The following SNX31 variants were observed in gnomAD, a reference collection of about 807,000 sequenced individuals.
The protein encoded by SNX31 is sorting nexin 31.
A neutral mutation model predicts 65.4 loss-of-function variants in SNX31; 58 were observed. The observed-to-expected ratio is 0.89, with a 90% CI of 0.72 to 1.10. SNX31 has a LOEUF of 1.10. SNX31 is among the 50% of genes least tolerant of loss of function. The pLI is 0.00. For missense variants in SNX31, 523 were observed against 529.7 expected (o/e 0.99, Z 0.12); for synonymous variants, 181 against 190.1 (o/e 0.95, Z 0.39).
rs1164081101 is a variant in SNX31 at position 100,622,737 on chromosome 8, T to C, written c.322-5007A>G. Among the ~76,000 whole-genome samples, 3 of 152,096 alleles carry C rather than the reference T, an allele frequency of 2.0e-5. No individual in the cohort carries two copies. Among genetic ancestry groups the C allele is most frequent in the Admixed American group, 6.5e-5 (1 of 15,270 alleles). ...AATGGGGGCATTTAAAAATGGAGTG[T>C]TGATACATGAACTTCCCTCTCTAGC... On this transcript the variant is annotated intron_variant, in intron 4 of 13. Transcript: ENST00000311812. This position sits in a 1 kb window ranked among gnomAD's most constrained non-coding sequence, Gnocchi z 5.0.
chr8:100,644,155 G>A (rs111751154), intron 2 of SNX31, among the ~76,000 whole-genome samples: 106 of 151,100 alleles, frequency 7.0e-4, no homozygotes, highest in Middle Eastern at 6.8e-3. Flanking sequence ...AGCCAAGTTG[G>A]GTCAGCACTT....
At chr8:100,654,561 C>A (rs1820027120), upstream of SNX31, among the ~76,000 whole-genome samples, 1 of 152,184 alleles carries the variant, frequency 6.6e-6, no homozygotes, top group Admixed American at 6.5e-5. Flanking sequence ...CAGGAAAACA[C>A]CACTCTATGG....
intron 7 of SNX31, 94 bp from the exon 8 acceptor site, chr8:100,608,657 G>T: frequency 8.7e-7 from 1 of 1,151,358 alleles, no homozygotes; most frequent in Non-Finnish European, 1.3e-6. Flanking sequence ...TCTACCCTAT[G>T]AACCAGGGCC....
At chr8:100,659,366 A>G (rs1809739721) in intron 1 of SNX31, among the ~76,000 whole-genome samples, 1 of 146,686 alleles carries the variant, frequency 6.8e-6, no homozygotes, top group South Asian at 2.1e-4. Context: ...AAAAAAAAAA[A>G]AAAAAAAAAA....
chr8:100,576,883 C>A lies in SNX31; in HGVS notation c.1227+136G>T. The A allele has an allele frequency of 1.4e-6, 1 of 713,908 alleles. No individual in the cohort carries two copies. The allele number at this position is 713,908 out of a possible 1,614,324, so 44.2% of individuals were successfully genotyped here. A position where few individuals can be genotyped will look rare whatever the true frequency, so the allele number is the denominator to read the frequency against. On this transcript the variant is annotated intron_variant, in intron 13 of 13. Transcript: ENST00000311812. The surrounding 1 kb of genome is among the most constrained non-coding windows in gnomAD (Gnocchi z 4.8). The stretch of plus-strand genomic sequence containing the variant: ...CTTCTGTGATGGCCTTCCAATTGGC[C>A]CAATCTACAAAGAGGAGCTTCTGAG...
At chr8:100,586,046 G>A (rs758077306) in intron 11 of SNX31, among the ~76,000 whole-genome samples, 6 of 151,720 alleles carry the variant, frequency 4.0e-5, no homozygotes, top group South Asian at 4.2e-4. Context: ...TTAGCCTCCC[G>A]AGTAGCTGGG....
At chr8:100,587,345 A>G (rs1196335990) in intron 11 of SNX31, among the ~76,000 whole-genome samples, 1 of 152,190 alleles carries the variant, frequency 6.6e-6, no homozygotes, top group Non-Finnish European at 1.5e-5. Flanking sequence ...CACTTAAATG[A>G]TGCCACAAGT....
intron 11 of SNX31, among the ~76,000 whole-genome samples, chr8:100,587,090 G>A (rs533482080): frequency 1.1e-4 from 17 of 152,158 alleles, no homozygotes; most frequent in African/African-American, 4.1e-4. Flanking sequence ...ACGATAACAT[G>A]CTCAGCCCCA....
chr8:100,605,780 G>A (rs1367321692), intron 8 of SNX31, among the ~76,000 whole-genome samples: 1 of 152,138 alleles, frequency 6.6e-6, no homozygotes, highest in Admixed American at 6.5e-5. Context: ...AATGAAAACA[G>A]ATTTAAAAAG....
At position 100,612,470 on chromosome 8, in the gene SNX31, C is replaced by G. The variant is rs1230378153; in HGVS notation, c.524-383G>C. ...ACATTTATAAACTACTTTAATATAA[C>G]TGATACCATTTTACAAAAAAAAAAA... On this transcript the variant is annotated intron_variant, in intron 6 of 13. Coordinates refer to ENST00000311812, the MANE Select transcript of SNX31 (RefSeq NM_152628.4). The surrounding 1 kb of genome is among the most constrained non-coding windows in gnomAD (Gnocchi z 4.3). Among the ~76,000 whole-genome samples, 1 of 137,290 alleles carries G rather than the reference C, an allele frequency of 7.3e-6. No homozygotes were observed. The highest frequency in any genetic ancestry group is 2.8e-5 in the African/African-American group (1 of 35,426). The allele number at this position is 137,290 out of a possible 152,430, so 90.1% of individuals were successfully genotyped here.
intron 11 of SNX31, 52 bp from the exon 12 acceptor site, chr8:100,584,240 C>T (rs1173707354): frequency 6.9e-7 from 1 of 1,440,774 alleles, no homozygotes; most frequent in Non-Finnish European, 9.5e-7. Context: ...TCTTCACTCT[C>T]TTTCTTCCCT....
At chr8:100,621,762 G>A (rs931702989) in intron 4 of SNX31, among the ~76,000 whole-genome samples, 1 of 152,200 alleles carries the variant, frequency 6.6e-6, no homozygotes, top group Non-Finnish European at 1.5e-5. Flanking sequence ...TAGGTCACCC[G>A]ACTCTTTGCC....
chr8:100,632,067 G>T (rs780766624), intron 3 of SNX31, among the ~76,000 whole-genome samples: 4 of 152,192 alleles, frequency 2.6e-5, no homozygotes, highest in Non-Finnish European at 4.4e-5. Context: ...CTTGCCCAAG[G>T]TCACACAGCT....
upstream of SNX31, among the ~76,000 whole-genome samples, chr8:100,652,644 T>G (rs1486674068): frequency 6.6e-6 from 1 of 152,200 alleles, no homozygotes; most frequent in African/African-American, 2.4e-5. Context: ...TCTCATCTAC[T>G]TGGTGTGTAA....
chr8:100,620,856 T>C (rs1008500894), intron 4 of SNX31, among the ~76,000 whole-genome samples: 3 of 152,022 alleles, frequency 2.0e-5, no homozygotes, highest in Non-Finnish European at 2.9e-5. Context: ...TCCCAGCACT[T>C]TGGGAGGCTG....
Position 100,594,160 on chromosome 8 carries a change from C to T in SNX31, c.978+2479G>A, listed in dbSNP as rs983934751. On this transcript the variant is annotated intron_variant, in intron 10 of 13. Transcript: ENST00000311812. The surrounding 1 kb of genome is among the most constrained non-coding windows in gnomAD (Gnocchi z 4.0). ...TCTACTAAAAATACAAAAAATTAGC[C>T]CTGCCTGGTGGTGCATGCCTGTAAT... 6.6e-6 allele frequency among the ~76,000 whole-genome samples: 1 copy of T among 151,938 alleles called. No homozygotes were observed. The highest frequency in any genetic ancestry group is 2.4e-5 in the African/African-American group (1 of 41,364).
rs1253221961 is a variant in SNX31 at position 100,612,958 on chromosome 8, C to T, written c.523+37G>A. On this transcript the variant is annotated intron_variant, in intron 6 of 13. Transcript: ENST00000311812. This position sits in a 1 kb window ranked among gnomAD's most constrained non-coding sequence, Gnocchi z 4.3. ...AGCCCCTGCTCACACCTGTCCACCCCATCTCCTAGCTGATTCATTTGTTCC... is the reference window on the plus strand; with the variant it reads ...AGCCCCTGCTCACACCTGTCCACCCTATCTCCTAGCTGATTCATTTGTTCC... 1.9e-6 allele frequency: 3 copies of T among 1,581,076 alleles called. No homozygotes were observed. The African/African-American group carries it at 4.0e-5, about 21-fold the overall frequency.
chr8:100,642,401 C>T (rs1304010160), intron 2 of SNX31, among the ~76,000 whole-genome samples: 3 of 152,208 alleles, frequency 2.0e-5, no homozygotes, highest in African/African-American at 7.2e-5. Context: ...CTTGAATCAA[C>T]AGGGCTGCCT....
At position 100,588,956 on chromosome 8, in the gene SNX31, C is replaced by T; in HGVS notation, c.1002G>A (p.Gly334=). The change falls in exon 11 of 14, where the codon GGG becomes GGA. Residue 334 remains glycine (G), a synonymous_variant. Coordinates refer to ENST00000311812, the MANE Select transcript of SNX31 (RefSeq NM_152628.4). This position sits in a 1 kb window ranked among gnomAD's most constrained non-coding sequence, Gnocchi z 4.8. ...TFLGTLLDTD[G]PQRTLNQNLE... is the part of the protein sequence containing the mutation. ...AGTTCTGGTTGAGAGTTCTCTGGGG[C>T]CCATCCGTATCCAGCAGAGTTCCCT... 6.2e-7 allele frequency: 1 copy of T among 1,613,560 alleles called. No individual in the cohort carries two copies. Among genetic ancestry groups the T allele is most frequent in the East Asian group, 2.2e-5 (1 of 44,872 alleles).
Sources: allele counts gnomAD v4.1 joint callset (sites outside exome capture counted in the v4.1 genomes callset), GRCh38; gene constraint gnomAD v4.1.1; non-coding constraint Gnocchi (gnomAD v3.1); transcripts MANE v1.5; gene names NCBI Gene and HGNC (gene_info 2026-07-23, HGNC 2026-07-21).